The following MAGI2 variants were observed in gnomAD, a reference collection of about 807,000 sequenced individuals.
The protein encoded by MAGI2 is membrane-associated guanylate kinase, WW and PDZ domain-containing protein 2.
In MAGI2, 35 loss-of-function variants were observed where a neutral mutation model predicts 133.3. The ratio of observed to expected loss-of-function variants is 0.26; its 90% CI spans 0.20 to 0.35. The LOEUF is 0.35. Among genes scored for constraint, MAGI2 ranks in the 10% least tolerant of loss-of-function variants. MAGI2 has a pLI of 1.00. For synonymous variants in MAGI2, 729 were observed against 710.6 expected, an observed-to-expected ratio of 1.03 and a Z score of -0.41; for missense variants, 1,636 against 1,863.4, an observed-to-expected ratio of 0.88 and a Z score of 2.25.
At chr7:78,559,177 A>G (rs1252715143) in intron 3 of MAGI2, among the ~76,000 whole-genome samples, 2 of 19,226 alleles carry the variant, frequency 1.0e-4, no homozygotes, top group Non-Finnish European at 2.2e-4. Flanking sequence ...AGCCAAAAAG[A>G]AAAGAAAAGA....
chr7:78,295,817 G>GTCATC (rs1554331920), intron 9 of MAGI2, among the ~76,000 whole-genome samples: 14 of 152,060 alleles, frequency 9.2e-5, no homozygotes, highest in Admixed American at 9.2e-4. Flanking sequence ...AATATCCATA[G>GTCATC]TCATCTCAAA....
intron 1 of MAGI2, among the ~76,000 whole-genome samples, chr7:79,185,990 A>G (rs1827050276): frequency 6.6e-6 from 1 of 151,554 alleles, no homozygotes; most frequent in South Asian, 2.1e-4. Flanking sequence ...CTTTTGTAAA[A>G]CTGTCAGATC....
intron 1 of MAGI2, among the ~76,000 whole-genome samples, chr7:79,027,812 T>C (rs922527323): frequency 6.6e-6 from 1 of 152,230 alleles, no homozygotes; most frequent in Middle Eastern, 3.4e-3. Flanking sequence ...GTTGTCAATA[T>C]AGAATAATTT....
chr7:78,645,467 A>C (rs948285167), intron 2 of MAGI2, among the ~76,000 whole-genome samples: 3 of 152,218 alleles, frequency 2.0e-5, no homozygotes, highest in African/African-American at 4.8e-5. Context: ...ATGAGCACGT[A>C]GAGCTTTTAC....
chr7:79,336,423 T>C (rs1840443653), intron 1 of MAGI2, among the ~76,000 whole-genome samples: 2 of 152,088 alleles, frequency 1.3e-5, no homozygotes, highest in Admixed American at 1.3e-4. Flanking sequence ...TATCTAACAA[T>C]ATGGAATTAA....
chr7:78,464,200 G>A, intron 6 of MAGI2, among the ~76,000 whole-genome samples: 1 of 152,054 alleles, frequency 6.6e-6, no homozygotes, highest in East Asian at 1.9e-4. Context: ...TCAGTTTGCT[G>A]GGACCTACAA....
chr7:78,910,265 T>TC (rs1798308664), intron 2 of MAGI2, among the ~76,000 whole-genome samples: 2 of 134,856 alleles, frequency 1.5e-5, no homozygotes, highest in Non-Finnish European at 1.6e-5. Context: ...AAGTAATTCT[T>TC]TTTTTTTTTT....
At chr7:78,122,106 T>C (rs1448538703) in intron 20 of MAGI2, among the ~76,000 whole-genome samples, 1 of 152,168 alleles carries the variant, frequency 6.6e-6, no homozygotes, top group Non-Finnish European at 1.5e-5. Flanking sequence ...TCAAGTGCTT[T>C]ATTTAGGAAG....
At chr7:78,637,428 T>C (rs910816848) in intron 2 of MAGI2, among the ~76,000 whole-genome samples, 2 of 134,146 alleles carry the variant, frequency 1.5e-5, no homozygotes, top group African/African-American at 2.5e-5. Flanking sequence ...CATGATAATA[T>C]GTTAAAAAAA....
intron 1 of MAGI2, among the ~76,000 whole-genome samples, chr7:79,163,479 T>C (rs1483477643): frequency 2.0e-5 from 3 of 152,088 alleles, no homozygotes; most frequent in African/African-American, 4.8e-5. Flanking sequence ...AGGCCCTTTA[T>C]GACAATTTAG....
At chr7:79,140,637 T>C (rs958886932) in intron 1 of MAGI2, among the ~76,000 whole-genome samples, 1 of 152,214 alleles carries the variant, frequency 6.6e-6, no homozygotes, top group Non-Finnish European at 1.5e-5. Flanking sequence ...ATTGTAGGTT[T>C]CTTCCAGAGT....
chr7:79,284,400 T>G (rs576352309), intron 1 of MAGI2, among the ~76,000 whole-genome samples: 1 of 152,088 alleles, frequency 6.6e-6, no homozygotes, highest in Admixed American at 6.6e-5. Context: ...GCTCCTAATA[T>G]GGGACTTCAA....
At chr7:78,949,973 C>G (rs7799287) in intron 2 of MAGI2, among the ~76,000 whole-genome samples, 91,039 of 152,026 alleles carry the variant, frequency 0.6, 27,561 homozygotes, top group Non-Finnish European at 0.64. Context: ...CATTGACAGG[C>G]AACTCTGGCT....
At chr7:78,322,939 C>T (rs1171657633) in intron 9 of MAGI2, among the ~76,000 whole-genome samples, 1 of 151,588 alleles carries the variant, frequency 6.6e-6, no homozygotes, top group Non-Finnish European at 1.5e-5. Context: ...AAGAATGCTG[C>T]CTTGTTATCT....
chr7:78,361,159 G>A (rs7801289), intron 7 of MAGI2, among the ~76,000 whole-genome samples: 48,121 of 151,894 alleles, frequency 0.32, 8,076 homozygotes, highest in East Asian at 0.57. Flanking sequence ...ACTTTGGGAG[G>A]CTGAGGCGGG....
chr7:79,067,063 T>C (rs573885321), intron 1 of MAGI2, among the ~76,000 whole-genome samples: 1 of 152,306 alleles, frequency 6.6e-6, no homozygotes, highest in African/African-American at 2.4e-5. Flanking sequence ...CTTTGTTCTT[T>C]TGGATTAGGA....
intron 2 of MAGI2, among the ~76,000 whole-genome samples, chr7:78,975,546 T>C (rs1804170988): frequency 6.6e-6 from 1 of 151,618 alleles, no homozygotes; most frequent in African/African-American, 2.4e-5. Flanking sequence ...GGGAAATTTA[T>C]AGTAACAAAT....
chr7:78,100,002 T>C (rs3807739), intron 20 of MAGI2, among the ~76,000 whole-genome samples: 53,811 of 151,844 alleles, frequency 0.35, 11,033 homozygotes, highest in African/African-American at 0.58. Flanking sequence ...GACAATATTC[T>C]CTGTAATTTC....
intron 9 of MAGI2, among the ~76,000 whole-genome samples, chr7:78,271,562 C>T (rs539000659): frequency 4.5e-4 from 69 of 152,218 alleles, no homozygotes; most frequent in African/African-American, 1.5e-3. Flanking sequence ...TGGTAGAATT[C>T]GGCTGTGAAT....
Sources: gnomAD v4.1 joint callset for allele counts (sites outside exome capture counted in the v4.1 genomes callset) on GRCh38, gnomAD v4.1.1 for gene constraint, MANE v1.5 for transcripts, NCBI Gene and HGNC (gene_info 2026-07-23, HGNC 2026-07-21) for gene names.